The following HMCN1 variants were observed in gnomAD, a reference collection of about 807,000 sequenced individuals.
HMCN1 encodes hemicentin 1, also known as hemicentin-1.
Under a neutral mutation model 625.9 loss-of-function variants are expected in HMCN1, and 321 were observed. The ratio of observed to expected loss-of-function variants is 0.51; its 90% CI spans 0.47 to 0.56. The LOEUF is 0.56. HMCN1 is among the 20% of genes least tolerant of loss of function. The probability of loss-of-function intolerance (pLI) is 0.00; values close to 1 mark genes in which losing one functional copy is unlikely to be tolerated. For missense variants in HMCN1, 6,588 were observed against 6,887.3 expected (o/e 0.96, Z 1.54); for synonymous variants, 2,425 against 2,417.6 (o/e 1.00, Z -0.09).
intron 100 of HMCN1, among the ~76,000 whole-genome samples, chr1:186,170,541 C>T (rs1020626535): frequency 6.6e-6 from 1 of 152,058 alleles, no homozygotes; most frequent in Non-Finnish European, 1.5e-5. Context: ...AGACATAGAA[C>T]CAACCCAAAT....
intron 71 of HMCN1, among the ~76,000 whole-genome samples, chr1:186,110,338 T>C (rs201921975): frequency 1.3e-5 from 2 of 151,578 alleles, no homozygotes; most frequent in Non-Finnish European, 2.9e-5. Flanking sequence ...GAGGTGAGCA[T>C]AGGAAAAAAA....
chr1:185,745,133 T>A (rs1385756853), intron 1 of HMCN1, among the ~76,000 whole-genome samples: 2 of 152,206 alleles, frequency 1.3e-5, no homozygotes, highest in Non-Finnish European at 2.9e-5. Context: ...AAGTTAGCTT[T>A]AAGACACAAC....
At chr1:186,168,027 G>A (rs1465905729) in intron 100 of HMCN1, among the ~76,000 whole-genome samples, 2 of 151,890 alleles carry the variant, frequency 1.3e-5, no homozygotes, top group Non-Finnish European at 1.5e-5. Flanking sequence ...GAACCATTGT[G>A]CATCCATGAG....
chr1:185,743,992 T>G (rs982336630), intron 1 of HMCN1, among the ~76,000 whole-genome samples: 20 of 139,634 alleles, frequency 1.4e-4, no homozygotes, highest in African/African-American at 4.6e-4. Context: ...GTTTTTTTTT[T>G]TTTTTTTTTT....
chr1:186,095,736 A>G (rs1022670), intron 68 of HMCN1, among the ~76,000 whole-genome samples: 95,464 of 151,910 alleles, frequency 0.63, 31,744 homozygotes, highest in African/African-American at 0.87. Flanking sequence ...AAAGATGAAA[A>G]CTCCAGCTTG....
intron 49 of HMCN1, among the ~76,000 whole-genome samples, chr1:186,066,095 C>A (rs975166594): frequency 5.9e-5 from 9 of 152,078 alleles, no homozygotes; most frequent in Non-Finnish European, 1.3e-4. Flanking sequence ...TTGAACACAG[C>A]CCTCAAGGAG....
chr1:186,006,655 CCATT>C (rs1653653927), intron 29 of HMCN1, among the ~76,000 whole-genome samples: 2 of 151,356 alleles, frequency 1.3e-5, no homozygotes, highest in African/African-American at 4.8e-5. Flanking sequence ...GTAAAAATAA[CCATT>C]CATGATATTG....
chr1:186,140,567 A>G (rs1231122124), intron 89 of HMCN1, among the ~76,000 whole-genome samples: 1 of 152,164 alleles, frequency 6.6e-6, no homozygotes, highest in Non-Finnish European at 1.5e-5. Flanking sequence ...CTGTCATTGT[A>G]TAGTTACTAT....
rs116274192 is a variant in HMCN1, at chr1:185,947,408, A to G, written c.1828+13584A>G. ...TACAGATGTGGCTACCATATTTGAC[A>G]GTACAGCTCTAGTCTTCTATACAAA... On this transcript the variant is annotated intron_variant, in intron 11 of 106. Transcript: ENST00000271588. 7.4e-3 allele frequency among the ~76,000 whole-genome samples: 1,133 copies of G among 152,368 alleles called. 20 individuals carry two copies. The highest frequency in any genetic ancestry group is 0.026 in the African/African-American group (1,100 of 41,580).
Position 186,018,296 on chromosome 1 carries a change from G to A in HMCN1, c.5414G>A (p.Cys1805Tyr), listed in dbSNP as rs1654494978. The stretch of plus-strand genomic sequence containing the variant: ...GTGTCAAACACAGGCCTTTATCGGT[G>A]CATGGCAGCAAATACTGCTGGAGAC... ...AQVSNTGLYR[C>Y]MAANTAGDHK... The change falls in exon 34 of 107, where the codon TGC (cysteine) becomes TAC (tyrosine). Residue 1805 changes from cysteine to tyrosine, a missense_variant. By Grantham distance (194) the Cys-to-Tyr change is radical. Transcript: ENST00000271588. 3 of 1,612,848 alleles carry A rather than the reference G, an allele frequency of 1.9e-6. No individual in the cohort carries two copies. Among genetic ancestry groups the A allele is most frequent in the South Asian group, 1.1e-5 (1 of 91,060 alleles).
rs1370888799 is a variant in HMCN1, at chr1:186,093,508, T to C, written c.10035T>C (p.Asn3345=). 2 of 1,613,320 alleles carry C rather than the reference T, an allele frequency of 1.2e-6. No homozygotes were observed. ...NVYVTPTIRG[N]KDEAEKLMTL... Reference sequence around the variant, plus strand: ...TAGTTACACCTACAATTAGGGGTAATAAAGATGAAGCAGAGAAACTAATGA... The same window carrying C: ...TAGTTACACCTACAATTAGGGGTAACAAAGATGAAGCAGAGAAACTAATGA... Residue 3345 remains asparagine (N), a synonymous_variant, in exon 66 of 107, where the codon AAT becomes AAC. Transcript: ENST00000271588.
At chr1:185,977,762 A>C (rs1651322053) in intron 15 of HMCN1, 25 bp from the exon 16 acceptor site, 1 of 1,495,246 alleles carries the variant, frequency 6.7e-7, no homozygotes, top group African/African-American at 1.4e-5. Context: ...CCGATGACTT[A>C]TTTGTTGTTT....
chr1:185,937,185 T>C (rs1403081872), intron 11 of HMCN1, among the ~76,000 whole-genome samples: 1 of 152,212 alleles, frequency 6.6e-6, no homozygotes, highest in Non-Finnish European at 1.5e-5. Context: ...TCAATTCTTT[T>C]AGATGACAGT....
Position 186,038,954 on chromosome 1 carries a change from G to A in HMCN1, c.5977G>A (p.Ala1993Thr), listed in dbSNP as rs1351177152. 12 of 1,612,716 alleles carry A rather than the reference G, an allele frequency of 7.4e-6. No homozygotes were observed. The highest frequency in any genetic ancestry group is 1.0e-5 in the Non-Finnish European group (12 of 1,178,982). ...AGATGCTGGCATATATAAATGCGTGGCCATCAACTCAGCTGGAGCTACAGA... is the reference window on the plus strand; with the variant it reads ...AGATGCTGGCATATATAAATGCGTGACCATCAACTCAGCTGGAGCTACAGA... ...ISDAGIYKCV[A>T]INSAGATELF... Residue 1993 changes from alanine (A) to threonine (T), a missense_variant, in exon 38 of 107, where the codon GCC (alanine) becomes ACC (threonine). Ala to Thr is a moderately conservative substitution (Grantham distance 58). Transcript: ENST00000271588.
chr1:186,127,906 A>T (rs954641270), intron 82 of HMCN1, among the ~76,000 whole-genome samples, 172 bp from the exon 83 acceptor site: 1 of 152,178 alleles, frequency 6.6e-6, no homozygotes, highest in Admixed American at 6.6e-5. Flanking sequence ...ACTTCTATAC[A>T]TTTTAAATTA....
chr1:186,120,216 T>C, intron 80 of HMCN1, 71 bp downstream of exon 80: 1 of 1,504,786 alleles, frequency 6.6e-7, no homozygotes, highest in African/African-American at 1.4e-5. Flanking sequence ...TATTTATATA[T>C]CTAAAATGAT....
At chr1:185,946,307 G>T (rs1037901007) in intron 11 of HMCN1, among the ~76,000 whole-genome samples, 2 of 151,906 alleles carry the variant, frequency 1.3e-5, no homozygotes, top group Non-Finnish European at 2.9e-5. Flanking sequence ...GGACTTTTAC[G>T]TATTTATGTG....
chr1:186,136,490 A>G (rs1436733689), intron 86 of HMCN1, among the ~76,000 whole-genome samples, 178 bp from the exon 87 acceptor site: 1 of 152,228 alleles, frequency 6.6e-6, no homozygotes, highest in African/African-American at 2.4e-5. Context: ...TACTAAATAA[A>G]AAAGAATTAT....
chr1:186,100,394 A>G (rs930782038), intron 68 of HMCN1, among the ~76,000 whole-genome samples: 17 of 152,234 alleles, frequency 1.1e-4, no homozygotes, highest in African/African-American at 3.9e-4. Context: ...ATTTAATTCT[A>G]TCCATGTGGT....
Sources: allele counts gnomAD v4.1 joint callset (sites outside exome capture counted in the v4.1 genomes callset), GRCh38; gene constraint gnomAD v4.1.1; transcripts MANE v1.5; gene names NCBI Gene and HGNC (gene_info 2026-07-23, HGNC 2026-07-21).